Variants in TFAP2D observed in about 807,000 individuals in gnomAD.
TFAP2D encodes the protein transcription factor AP-2 delta, also known as transcription factor AP-2-delta.
TFAP2D carries 9 observed loss-of-function variants against 43.6 expected under a neutral mutation model. The observed-to-expected ratio is 0.21, with a 90% CI of 0.12 to 0.36. The LOEUF (loss-of-function observed/expected upper bound fraction) is 0.36, where lower values mean the gene tolerates loss of function less well. TFAP2D is among the 10% of genes least tolerant of loss of function. The probability of loss-of-function intolerance (pLI) is 1.00; values close to 1 mark genes in which losing one functional copy is unlikely to be tolerated. For synonymous variants in TFAP2D, 256 were observed against 224.9 expected, an observed-to-expected ratio of 1.14 and a Z score of -1.24; for missense variants, 513 against 561.4, an observed-to-expected ratio of 0.91 and a Z score of 0.87.
intron 7 of TFAP2D, among the ~76,000 whole-genome samples, chr6:50,758,311 C>A (rs927920346): frequency 6.6e-6 from 1 of 151,938 alleles, no homozygotes; most frequent in Non-Finnish European, 1.5e-5. Context: ...TTCTCTCCAA[C>A]GTCTCTGTCA....
intron 3 of TFAP2D, among the ~76,000 whole-genome samples, chr6:50,721,390 T>G (rs955128629): frequency 6.6e-6 from 1 of 152,192 alleles, no homozygotes; most frequent in African/African-American, 2.4e-5. Flanking sequence ...TAGTTGAGCC[T>G]TGGAGAGGAG....
chr6:50,719,179 C>A (rs1320695486), intron 3 of TFAP2D, 29 bp downstream of exon 3: 3 of 1,603,438 alleles, frequency 1.9e-6, no homozygotes, highest in East Asian at 2.2e-5. Context: ...CATGTTAACC[C>A]TAGACATTCT....
At chr6:50,736,939 T>C (rs967140062) in intron 5 of TFAP2D, among the ~76,000 whole-genome samples, 1 of 152,182 alleles carries the variant, frequency 6.6e-6, no homozygotes, top group African/African-American at 2.4e-5. Flanking sequence ...CTTTCAAAAC[T>C]TAATGGATCA....
intron 7 of TFAP2D, among the ~76,000 whole-genome samples, chr6:50,764,558 A>G (rs750078119): frequency 1.3e-5 from 2 of 152,194 alleles, no homozygotes; most frequent in Non-Finnish European, 2.9e-5. Flanking sequence ...TTTAATCTAT[A>G]AAAATAAAAA....
intron 5 of TFAP2D, among the ~76,000 whole-genome samples, chr6:50,741,451 C>T (rs1040837033): frequency 7.2e-5 from 11 of 152,046 alleles, no homozygotes; most frequent in African/African-American, 2.7e-4. Flanking sequence ...CTCCACCCTC[C>T]AGAAGACCCC....
In TFAP2D at chr6:50,746,029, C is replaced by T. The variant is rs140918304; in HGVS notation, c.1025+781C>T. On this transcript the variant is annotated intron_variant, in intron 6 of 7. Transcript: ENST00000008391. ...GAACCGCAGATAGCACTGCAGGTTA[C>T]GTTCAAAAGTTTTAGAGGAAAATCC... Among the ~76,000 whole-genome samples the T allele has an allele frequency of 8.7e-4, 133 of 152,148 alleles. No individual in the cohort carries two copies. The East Asian group carries it at 0.017, about 19-fold the overall frequency.
intron 3 of TFAP2D, among the ~76,000 whole-genome samples, chr6:50,722,263 T>TCTTTA (rs1768737998): frequency 6.6e-6 from 1 of 152,198 alleles, no homozygotes; most frequent in African/African-American, 2.4e-5. Flanking sequence ...GAACCAATAA[T>TCTTTA]CTTTACTTTA....
intron 7 of TFAP2D, among the ~76,000 whole-genome samples, chr6:50,766,500 C>T (rs1013226504): frequency 2.6e-5 from 4 of 151,892 alleles, no homozygotes; most frequent in African/African-American, 4.8e-5. Context: ...CACAGGTTAT[C>T]GCTTTCCATT....
intron 6 of TFAP2D, among the ~76,000 whole-genome samples, chr6:50,746,760 A>G (rs974903491): frequency 4.6e-5 from 7 of 152,174 alleles, no homozygotes; most frequent in African/African-American, 1.7e-4. Flanking sequence ...GATACTTGCC[A>G]TCTCACAGGT....
At chr6:50,766,792 C>A (rs1158990216) in intron 7 of TFAP2D, among the ~76,000 whole-genome samples, 1 of 150,928 alleles carries the variant, frequency 6.6e-6, no homozygotes, top group Non-Finnish European at 1.5e-5. Context: ...CCTCAGCCTC[C>A]CGAGTAGCTG....
At chr6:50,745,385 A>G (rs1769111401) in intron 6 of TFAP2D, 137 bp downstream of exon 6, 5 of 1,266,254 alleles carry the variant, frequency 3.9e-6, no homozygotes, top group Non-Finnish European at 5.5e-6. Context: ...AGCTAGATAT[A>G]TTAAACAAGG....
intron 5 of TFAP2D, among the ~76,000 whole-genome samples, chr6:50,734,175 C>A (rs1442309132): frequency 6.6e-6 from 1 of 151,926 alleles, no homozygotes; most frequent in Non-Finnish European, 1.5e-5. Context: ...TACTCTCAGA[C>A]CCTATCTTGG....
intron 7 of TFAP2D, among the ~76,000 whole-genome samples, chr6:50,770,032 G>T (rs1326194926): frequency 1.3e-5 from 2 of 152,052 alleles, no homozygotes; most frequent in African/African-American, 4.8e-5. Context: ...CAATATAGAA[G>T]AAAATTTAAA....
chr6:50,722,785 T>C (rs987786944), intron 3 of TFAP2D, among the ~76,000 whole-genome samples: 1 of 151,802 alleles, frequency 6.6e-6, no homozygotes, highest in South Asian at 2.1e-4. Context: ...CCCTGGTCTG[T>C]TTTGTGAAAT....
At chr6:50,757,605 T>C (rs1261217434) in intron 7 of TFAP2D, among the ~76,000 whole-genome samples, 696 of 61,014 alleles carry the variant, frequency 0.011, 12 homozygotes, top group African/African-American at 0.043. Flanking sequence ...ATATAGAATA[T>C]ATATAATTAT....
At chr6:50,734,461 G>A (rs1031889407) in intron 5 of TFAP2D, among the ~76,000 whole-genome samples, 3 of 151,998 alleles carry the variant, frequency 2.0e-5, no homozygotes, top group African/African-American at 7.3e-5. Context: ...CTCACTCATC[G>A]CAGTCTGATG....
chr6:50,763,587 A>G (rs1441560504), intron 7 of TFAP2D, among the ~76,000 whole-genome samples: 1 of 152,172 alleles, frequency 6.6e-6, no homozygotes, highest in Non-Finnish European at 1.5e-5. Context: ...GATTACTTCT[A>G]CTTTTTAAAT....
intron 5 of TFAP2D, among the ~76,000 whole-genome samples, chr6:50,740,726 C>A (rs922160720): frequency 1.3e-5 from 2 of 152,172 alleles, no homozygotes; most frequent in Admixed American, 1.3e-4. Flanking sequence ...CATGAGCCAC[C>A]ACACCCGGCC....
chr6:50,713,842 G>T lies in TFAP2D; in HGVS notation c.-214G>T. ...AAATCTGTTCCAGGGAGCTGCTTTTGTGCAGAGGGAAAATTTTGTTCCTAC... is the reference window on the plus strand; with the variant it reads ...AAATCTGTTCCAGGGAGCTGCTTTTTTGCAGAGGGAAAATTTTGTTCCTAC... On this transcript the variant is annotated 5_prime_UTR_variant, in exon 1 of 8. Transcript: ENST00000008391. 2 of 642,862 alleles carry T rather than the reference G, an allele frequency of 3.1e-6. No homozygotes were observed. Among genetic ancestry groups the T allele is most frequent in the Admixed American group, 3.1e-5 (1 of 32,510 alleles). 39.8% of individuals were successfully genotyped at this position (642,862 alleles called of 1,614,324 possible).
Sources: allele counts gnomAD v4.1 joint callset (sites outside exome capture counted in the v4.1 genomes callset), GRCh38; gene constraint gnomAD v4.1.1; transcripts MANE v1.5; gene names NCBI Gene and HGNC (gene_info 2026-07-23, HGNC 2026-07-21).